Variants in HDAC9 observed in about 807,000 individuals in gnomAD.
The protein encoded by HDAC9 is MEF-2 interacting transcription repressor (MITR) protein.
Under a neutral mutation model 139.4 loss-of-function variants are expected in HDAC9, and 41 were observed. The ratio of observed to expected loss-of-function variants is 0.29; its 90% CI spans 0.23 to 0.38. The LOEUF (loss-of-function observed/expected upper bound fraction) is 0.38. Ranked by LOEUF, HDAC9 falls within the 10% of genes least tolerant of loss-of-function variation. The pLI is 1.00. For missense variants in HDAC9, 1,147 were observed against 1,297.0 expected, an observed-to-expected ratio of 0.88 and a Z score of 1.78; for synonymous variants, 517 against 476.2, an observed-to-expected ratio of 1.09 and a Z score of -1.12.
intron 1 of HDAC9, among the ~76,000 whole-genome samples, chr7:18,344,886 A>G (rs946408071): frequency 3.9e-5 from 6 of 152,140 alleles, no homozygotes; most frequent in South Asian, 2.1e-4. Context: ...CTAAGGATTG[A>G]TAAGTAAAAT....
chr7:18,964,222 A>T (rs1029076774), intron 24 of HDAC9, among the ~76,000 whole-genome samples: 6 of 152,122 alleles, frequency 3.9e-5, no homozygotes, highest in Middle Eastern at 6.8e-3. Flanking sequence ...CTAGTGTGCT[A>T]TTTTTCCACC....
chr7:18,429,054 G>T (rs2128759803), intron 1 of HDAC9: 1 of 152,196 alleles, frequency 6.6e-6, no homozygotes, highest in South Asian at 2.1e-4. Flanking sequence ...CCAACCTACG[G>T]CACCCTCCTT....
intron 22 of HDAC9, among the ~76,000 whole-genome samples, chr7:18,930,077 C>A (rs1349570169): frequency 1.3e-5 from 2 of 152,126 alleles, no homozygotes; most frequent in Non-Finnish European, 2.9e-5. Context: ...CCAATATGAA[C>A]CTGTACATGT....
intron 25 of HDAC9, among the ~76,000 whole-genome samples, chr7:18,980,257 A>G (rs2717351): frequency 0.29 from 44,649 of 151,996 alleles, 7,252 homozygotes; most frequent in East Asian, 0.55. Context: ...TCAGTTCTGT[A>G]TTATTTACAA....
intron 24 of HDAC9, among the ~76,000 whole-genome samples, chr7:18,972,316 G>C (rs886640925): frequency 6.6e-6 from 1 of 151,206 alleles, no homozygotes; most frequent in East Asian, 1.9e-4. Flanking sequence ...GGATTAGTGT[G>C]GGATCTCCAA....
chr7:18,103,788 C>A (rs1269962019), intron 1 of HDAC9, among the ~76,000 whole-genome samples: 1 of 152,182 alleles, frequency 6.6e-6, no homozygotes, highest in South Asian at 2.1e-4. Flanking sequence ...TATCACCAAA[C>A]TTCTACATAA....
In HDAC9 at chr7:18,836,005, C is replaced by T; in HGVS notation, c.2684+8C>T. On this transcript the variant is annotated splice_region_variant and intron_variant, in intron 21 of 25. Transcript: ENST00000686413. ...GTACCTTGAAGCATTCAGGTTGGTA[C>T]TTCTTTCTCTCTGAAAGTGGCAAAT... The T allele has an allele frequency of 6.7e-7, 1 of 1,498,896 alleles. No individual in the cohort carries two copies. The highest frequency in any genetic ancestry group is 2.4e-5 in the East Asian group (1 of 41,274). The allele number at this position is 1,498,896 out of a possible 1,614,324, so 92.8% of individuals were successfully genotyped here. A position where few individuals can be genotyped will look rare whatever the true frequency, so the allele number is the denominator to read the frequency against.
intron 2 of HDAC9, among the ~76,000 whole-genome samples, chr7:18,282,603 G>A (rs1046708951): frequency 2.0e-5 from 3 of 152,102 alleles, no homozygotes; most frequent in African/African-American, 7.2e-5. Flanking sequence ...TAAGAATTCT[G>A]CTCACTTGGA....
chr7:18,950,459 C>T (rs1386050976), intron 23 of HDAC9, among the ~76,000 whole-genome samples: 3 of 152,118 alleles, frequency 2.0e-5, no homozygotes, highest in Non-Finnish European at 4.4e-5. Context: ...GAGGAAGAAC[C>T]CATTTTATTT....
rs1220957760 is a variant in HDAC9, at chr7:18,738,353, A to G, written c.1909+10596A>G. 3.3e-5 allele frequency among the ~76,000 whole-genome samples: 5 copies of G among 152,168 alleles called. No homozygotes were observed. In the South Asian group the frequency reaches 1.0e-3, roughly 32 times the overall value. On this transcript the variant is annotated intron_variant, in intron 13 of 25. Transcript: ENST00000686413. ...TTAATTGATGCAGTTTCTTCATAGC[A>G]TCAATGGTCTTTACAATTTGGCATG...
At chr7:18,519,321 C>T (rs923922600) in intron 2 of HDAC9, among the ~76,000 whole-genome samples, 2 of 152,124 alleles carry the variant, frequency 1.3e-5, no homozygotes, top group Non-Finnish European at 2.9e-5. Flanking sequence ...AATTATGACA[C>T]TATTTTTTAT....
chr7:18,601,280 G>T (rs1025040449), intron 6 of HDAC9, among the ~76,000 whole-genome samples: 5 of 152,114 alleles, frequency 3.3e-5, no homozygotes, highest in African/African-American at 1.2e-4. Flanking sequence ...TTCATTGCTG[G>T]CATATAGGAA....
At chr7:18,093,598 C>A (rs1468878842) in intron 1 of HDAC9, among the ~76,000 whole-genome samples, 1 of 152,160 alleles carries the variant, frequency 6.6e-6, no homozygotes, top group Non-Finnish European at 1.5e-5. Context: ...TTCTACTTAT[C>A]ATTTTGGTTA....
chr7:18,202,069 T>C (rs1791173849), intron 2 of HDAC9, among the ~76,000 whole-genome samples: 1 of 152,358 alleles, frequency 6.6e-6, no homozygotes, highest in East Asian at 1.9e-4. Context: ...CATCTTTGTT[T>C]AAGCTCTAGA....
intron 21 of HDAC9, among the ~76,000 whole-genome samples, chr7:18,840,173 G>GA (rs778565218): frequency 2.0e-5 from 3 of 152,008 alleles, no homozygotes; most frequent in Non-Finnish European, 2.9e-5. Context: ...TAATTAAAGT[G>GA]ACCCATCTGG....
chr7:18,121,902 A>T (rs1477663282), intron 1 of HDAC9, among the ~76,000 whole-genome samples: 1 of 152,218 alleles, frequency 6.6e-6, no homozygotes, highest in Non-Finnish European at 1.5e-5. Context: ...AGAGATGAAG[A>T]GATCTTGAGG....
At chr7:18,800,230 A>C (rs561448671) in intron 17 of HDAC9, among the ~76,000 whole-genome samples, 1 of 152,220 alleles carries the variant, frequency 6.6e-6, no homozygotes, top group African/African-American at 2.4e-5. Context: ...CCATTCACCT[A>C]TCTCTGAATC....
intron 9 of HDAC9, among the ~76,000 whole-genome samples, chr7:18,647,017 T>C (rs1013553140): frequency 2.6e-4 from 39 of 152,166 alleles, no homozygotes; most frequent in African/African-American, 9.4e-4. Context: ...AAGAATTTAA[T>C]TTAAAAAATT....
At chr7:18,238,363 T>A (rs1191894391) in intron 2 of HDAC9, among the ~76,000 whole-genome samples, 1 of 152,194 alleles carries the variant, frequency 6.6e-6, no homozygotes, top group Non-Finnish European at 1.5e-5. Context: ...GTAACATCAG[T>A]CATAACCACG....
Sources: allele counts gnomAD v4.1 joint callset (sites outside exome capture counted in the v4.1 genomes callset), GRCh38; gene constraint gnomAD v4.1.1; transcripts MANE v1.5; gene names NCBI Gene and HGNC (gene_info 2026-07-23, HGNC 2026-07-21).